VIPR2: variants seen among roughly 807,000 people sequenced by gnomAD.
The protein encoded by VIPR2 is vasoactive intestinal polypeptide receptor 2.
In VIPR2, 48 loss-of-function variants were observed where a neutral mutation model predicts 58.0. The observed-to-expected ratio is 0.83, with a 90% CI of 0.66 to 1.05. The LOEUF is 1.05. Among genes scored for constraint, VIPR2 ranks in the 50% least tolerant of loss-of-function variants. The pLI, the probability that VIPR2 is intolerant of heterozygous loss-of-function variation, is 0.00. For synonymous variants in VIPR2, 243 were observed against 235.2 expected (o/e 1.03, Z -0.30); for missense variants, 534 against 558.0 (o/e 0.96, Z 0.43).
At chr7:159,049,228 A>G (rs2129493667) in intron 5 of VIPR2, among the ~76,000 whole-genome samples, 1 of 152,344 alleles carries the variant, frequency 6.6e-6, no homozygotes, top group East Asian at 1.9e-4. Flanking sequence ...CTCTTAGAAC[A>G]CTTAAATTCT....
intron 4 of VIPR2, among the ~76,000 whole-genome samples, chr7:159,083,509 T>G (rs1020720925): frequency 6.6e-6 from 1 of 151,944 alleles, no homozygotes; most frequent in Non-Finnish European, 1.5e-5. Context: ...TGCCCTGGAG[T>G]GACCATAGCA....
At chr7:159,143,119 T>C (rs908147488) in intron 1 of VIPR2, among the ~76,000 whole-genome samples, 1 of 152,202 alleles carries the variant, frequency 6.6e-6, no homozygotes, top group African/African-American at 2.4e-5. Context: ...AATCACACCA[T>C]TGTGGCCCCA....
intron 4 of VIPR2, among the ~76,000 whole-genome samples, chr7:159,101,117 G>C (rs531364083): frequency 9.4e-6 from 1 of 106,018 alleles, no homozygotes; most frequent in Admixed American, 9.8e-5. Context: ...AGGCGGTTCC[G>C]ACTGTTCCTG....
chr7:159,032,925 C>G (rs1387277427), intron 10 of VIPR2, among the ~76,000 whole-genome samples: 2 of 152,046 alleles, frequency 1.3e-5, no homozygotes, highest in Non-Finnish European at 2.9e-5. Context: ...CCACCGGACT[C>G]CCCTGAGCAG....
intron 1 of VIPR2, among the ~76,000 whole-genome samples, chr7:159,143,171 A>G (rs1797542912): frequency 6.6e-6 from 1 of 152,152 alleles, no homozygotes; most frequent in Non-Finnish European, 1.5e-5. Context: ...CCATCAGGGG[A>G]GCGAAAGGTG....
intron 4 of VIPR2, among the ~76,000 whole-genome samples, chr7:159,094,411 C>G (rs546932537): frequency 6.6e-6 from 1 of 152,210 alleles, no homozygotes; most frequent in South Asian, 2.1e-4. Context: ...CCTCAGGAGC[C>G]CTTGGAGCCC....
intron 12 of VIPR2, 30 bp from the exon 13 acceptor site, chr7:159,030,819 T>C (rs1281198792): frequency 6.5e-7 from 1 of 1,530,266 alleles, no homozygotes; most frequent in Non-Finnish European, 8.8e-7. Context: ...GGAACGCCCG[T>C]GAGCCTGGGC....
At position 159,034,198 on chromosome 7, in the gene VIPR2, G is replaced by T. The variant is rs376477614; in HGVS notation, c.971+15C>A. 1 of 1,613,102 alleles carries T rather than the reference G, an allele frequency of 6.2e-7. No homozygotes were observed. Among genetic ancestry groups the T allele is most frequent in the Non-Finnish European group, 8.5e-7 (1 of 1,179,380 alleles). ...CATCCCCATCAGGGACGGCCAGGCC[G>T]GGACACACACTCACTTGTACTGAGA... On this transcript the variant is annotated intron_variant, in intron 10 of 12. Transcript: ENST00000262178.
chr7:159,055,656 C>T (rs1855276858), intron 5 of VIPR2, among the ~76,000 whole-genome samples: 1 of 152,124 alleles, frequency 6.6e-6, no homozygotes, highest in African/African-American at 2.4e-5. Flanking sequence ...CTGCATTCAT[C>T]TCTCCAAATC....
At chr7:159,112,745 G>C (rs965544477) in intron 2 of VIPR2, among the ~76,000 whole-genome samples, 1 of 136,536 alleles carries the variant, frequency 7.3e-6, no homozygotes, top group Non-Finnish European at 1.6e-5. Context: ...ACCTGGGACC[G>C]ACCCTGACTG....
intron 2 of VIPR2, among the ~76,000 whole-genome samples, chr7:159,132,477 G>C (rs1315917660): frequency 6.6e-6 from 1 of 152,170 alleles, no homozygotes; most frequent in East Asian, 1.9e-4. Flanking sequence ...GGAGGCCTCA[G>C]GTAAGAAAAA....
At chr7:159,032,613 G>A (rs1404555937) in intron 10 of VIPR2, among the ~76,000 whole-genome samples, 1 of 152,200 alleles carries the variant, frequency 6.6e-6, no homozygotes, top group East Asian at 1.9e-4. Context: ...TGGAAAAGAG[G>A]CCTATCTGCG....
chr7:159,090,418 C>T (rs1215776516), intron 4 of VIPR2, among the ~76,000 whole-genome samples: 3 of 75,260 alleles, frequency 4.0e-5, no homozygotes, highest in South Asian at 5.2e-4. Context: ...ACTGGGATCA[C>T]GCACAGGGGC....
chr7:159,110,458 T>C (rs1166753446), intron 2 of VIPR2, among the ~76,000 whole-genome samples: 2 of 152,276 alleles, frequency 1.3e-5, no homozygotes, highest in African/African-American at 4.8e-5. Flanking sequence ...TTGGTCTTAA[T>C]AACCACCTGG....
At chr7:159,042,164 A>C (rs968693697) in intron 6 of VIPR2, among the ~76,000 whole-genome samples, 2 of 152,220 alleles carry the variant, frequency 1.3e-5, no homozygotes, top group African/African-American at 4.8e-5. Context: ...AAATCTGTTT[A>C]GACTGAGCAA....
chr7:159,082,927 C>T (rs1365393099), intron 4 of VIPR2, among the ~76,000 whole-genome samples: 1 of 151,876 alleles, frequency 6.6e-6, no homozygotes, highest in African/African-American at 2.4e-5. Context: ...TGATTAGATC[C>T]TTCCTAATTA....
chr7:159,035,268 C>T (rs1261576139), intron 8 of VIPR2, among the ~76,000 whole-genome samples: 2 of 152,216 alleles, frequency 1.3e-5, no homozygotes, highest in East Asian at 3.9e-4. Context: ...CAGGAGCCTT[C>T]AGGCTGGTGC....
At chr7:159,078,383 T>C (rs942960925) in intron 4 of VIPR2, among the ~76,000 whole-genome samples, 1 of 152,192 alleles carries the variant, frequency 6.6e-6, no homozygotes, top group Non-Finnish European at 1.5e-5. Flanking sequence ...CACTGCTTCC[T>C]GAAATGAGAC....
In VIPR2 at chr7:159,034,648, C is replaced by A; in HGVS notation, c.812G>T (p.Cys271Phe). The change falls in exon 9 of 13, where the codon TGC becomes TTC. Residue 271 changes from cysteine to phenylalanine, a missense_variant and splice_region_variant. This residue lies in a region of VIPR2 where 306 missense variants were observed against 285.8 expected (regional missense o/e 1.07). Coordinates refer to ENST00000262178, the MANE Select transcript of VIPR2 (RefSeq NM_003382.5). ...AARLYLEDTG[C>F]WDTNDHSVPW... ...CACACTGTGGTCGTTTGTATCCCAG[C>A]AACTGTCAGAGAGAGATGGGAAATC... is the stretch of plus-strand genomic sequence containing the variant. 1.2e-6 allele frequency: 2 copies of A among 1,613,712 alleles called. No homozygotes were observed. Among genetic ancestry groups the A allele is most frequent in the Non-Finnish European group, 1.7e-6 (2 of 1,179,728 alleles).
Sources: allele counts gnomAD v4.1 joint callset (sites outside exome capture counted in the v4.1 genomes callset), GRCh38; gene constraint gnomAD v4.1.1; regional missense constraint gnomAD v4.1.1; transcripts MANE v1.5; gene names NCBI Gene and HGNC (gene_info 2026-07-23, HGNC 2026-07-21).